The following CTNNA3 variants were observed in gnomAD, a reference collection of about 807,000 sequenced individuals.
CTNNA3 encodes catenin alpha-3.
Under a neutral mutation model 95.7 loss-of-function variants are expected in CTNNA3, and 76 were observed. The ratio of observed to expected loss-of-function variants is 0.79; its 90% CI spans 0.66 to 0.96. The LOEUF is 0.96. CTNNA3 is among the 40% of genes least tolerant of loss of function. The pLI, the probability that CTNNA3 is intolerant of heterozygous loss-of-function variation, is 0.00. For synonymous variants in CTNNA3, 431 were observed against 374.4 expected, an observed-to-expected ratio of 1.15 and a Z score of -1.74; for missense variants, 1,191 against 1,089.8, an observed-to-expected ratio of 1.09 and a Z score of -1.31.
At chr10:66,709,773 T>C (rs941415339) in intron 9 of CTNNA3, among the ~76,000 whole-genome samples, 1 of 152,040 alleles carries the variant, frequency 6.6e-6, no homozygotes, top group Non-Finnish European at 1.5e-5. Context: ...CTTGGGCTTG[T>C]AAAACATGAA....
At chr10:66,979,616 T>TCAACTCCCA (rs2132872367) in intron 7 of CTNNA3, among the ~76,000 whole-genome samples, 1 of 152,224 alleles carries the variant, frequency 6.6e-6, no homozygotes, top group African/African-American at 2.4e-5. Flanking sequence ...AATTGCCACA[T>TCAACTCCCA]CAGTAAAATG....
At chr10:67,089,980 T>C (rs1398776517) in intron 7 of CTNNA3, among the ~76,000 whole-genome samples, 2 of 152,102 alleles carry the variant, frequency 1.3e-5, no homozygotes, top group African/African-American at 4.8e-5. Context: ...TAGTCTCATA[T>C]GAAACAAAAT....
In CTNNA3 at chr10:66,375,674, G is replaced by A. The variant is rs116768535; in HGVS notation, c.1732+3478C>T. Among the ~76,000 whole-genome samples the A allele has an allele frequency of 6.0e-3, 918 of 151,880 alleles. 10 individuals are homozygous for A. Among genetic ancestry groups the A allele is most frequent in the South Asian group, 0.015 (70 of 4,802 alleles). ...TATTAAATGAAAGGGAATTGAGAGG[G>A]GTTACCAACTGCTATTAAAGTTTTT... On this transcript the variant is annotated intron_variant, in intron 12 of 17. Coordinates refer to ENST00000433211, the MANE Select transcript of CTNNA3 (RefSeq NM_013266.4).
chr10:66,431,484 T>G (rs1002821488), intron 11 of CTNNA3, among the ~76,000 whole-genome samples: 9 of 151,946 alleles, frequency 5.9e-5, no homozygotes, highest in Non-Finnish European at 1.0e-4. Flanking sequence ...TAGCAAAGAC[T>G]TGGAACCAAC....
chr10:67,454,963 T>G (rs1339981552), intron 5 of CTNNA3, among the ~76,000 whole-genome samples: 1 of 152,150 alleles, frequency 6.6e-6, no homozygotes, highest in African/African-American at 2.4e-5. Context: ...AATTTCAAAC[T>G]GATTTAAATT....
intron 17 of CTNNA3, among the ~76,000 whole-genome samples, chr10:65,963,043 C>T (rs898975092): frequency 2.6e-5 from 4 of 152,080 alleles, no homozygotes; most frequent in Admixed American, 2.0e-4. Flanking sequence ...AAAGTCATTC[C>T]TAAATAGGTC....
chr10:66,119,552 C>A (rs1564665726), intron 13 of CTNNA3, among the ~76,000 whole-genome samples: 1 of 152,118 alleles, frequency 6.6e-6, no homozygotes, highest in East Asian at 1.9e-4. Flanking sequence ...CTTTTTGATC[C>A]CTCCTAGGGG....
chr10:67,580,013 A>C (rs1451165461), intron 3 of CTNNA3, among the ~76,000 whole-genome samples: 1 of 151,906 alleles, frequency 6.6e-6, no homozygotes, highest in African/African-American at 2.4e-5. Flanking sequence ...TTGCCTGTTC[A>C]CTCTGATGGT....
At chr10:67,228,358 T>G (rs934289231) in intron 5 of CTNNA3, among the ~76,000 whole-genome samples, 2 of 152,176 alleles carry the variant, frequency 1.3e-5, no homozygotes, top group Admixed American at 1.3e-4. Context: ...CTCACGCCGG[T>G]AATCCCAGCA....
intron 10 of CTNNA3, among the ~76,000 whole-genome samples, chr10:66,544,243 C>A (rs1423470935): frequency 1.3e-5 from 2 of 151,894 alleles, no homozygotes; most frequent in African/African-American, 4.8e-5. Context: ...TTACCCTTTC[C>A]CACCTTATAC....
At chr10:67,492,021 G>C (rs1177485569) in intron 5 of CTNNA3, among the ~76,000 whole-genome samples, 1 of 152,010 alleles carries the variant, frequency 6.6e-6, no homozygotes, top group Non-Finnish European at 1.5e-5. Flanking sequence ...GAAATATATG[G>C]GGTAGAAATA....
intron 1 of CTNNA3, among the ~76,000 whole-genome samples, chr10:67,726,701 A>G (rs7921292): frequency 9.5e-4 from 1 of 1,050 alleles, no homozygotes; most frequent in Non-Finnish European, 1.6e-3. Flanking sequence ...ATTATATATA[A>G]TATATATCAT....
intron 17 of CTNNA3, among the ~76,000 whole-genome samples, chr10:65,937,307 T>G (rs1354634402): frequency 6.6e-6 from 1 of 152,152 alleles, no homozygotes; most frequent in African/African-American, 2.4e-5. Flanking sequence ...TTTCCTGTTT[T>G]ACAAACTTCA....
chr10:66,808,217 C>T (rs898889922), intron 7 of CTNNA3, among the ~76,000 whole-genome samples: 2 of 152,116 alleles, frequency 1.3e-5, no homozygotes, highest in African/African-American at 4.8e-5. Context: ...CCATTTTACT[C>T]AAGCTGCATC....
chr10:66,725,407 G>A (rs1310977094), intron 9 of CTNNA3, among the ~76,000 whole-genome samples: 2 of 151,998 alleles, frequency 1.3e-5, no homozygotes, highest in African/African-American at 2.4e-5. Context: ...TGCTGATGTG[G>A]GGAAGAAAAA....
chr10:67,390,048 T>C (rs532368951), intron 5 of CTNNA3, among the ~76,000 whole-genome samples: 1 of 151,590 alleles, frequency 6.6e-6, no homozygotes, highest in Non-Finnish European at 1.5e-5. Flanking sequence ...AGGCAAGAAA[T>C]AACTAAAATC....
chr10:67,378,422 C>G (rs1251824620), intron 5 of CTNNA3, among the ~76,000 whole-genome samples: 1 of 152,080 alleles, frequency 6.6e-6, no homozygotes, highest in Admixed American at 6.5e-5. Flanking sequence ...GTGTAGAACA[C>G]TATTAACAAA....
intron 9 of CTNNA3, among the ~76,000 whole-genome samples, chr10:66,640,033 AT>A (rs1294968318): frequency 6.6e-6 from 1 of 152,160 alleles, no homozygotes; most frequent in African/African-American, 2.4e-5. Context: ...CAGAAATCTT[AT>A]TATTTCAAAA....
At chr10:67,241,016 A>T (rs1274281117) in intron 5 of CTNNA3, among the ~76,000 whole-genome samples, 1 of 152,232 alleles carries the variant, frequency 6.6e-6, no homozygotes, top group Non-Finnish European at 1.5e-5. Context: ...GAATACACAG[A>T]AAAACAAAAA....
Sources: gnomAD v4.1 joint callset for allele counts (sites outside exome capture counted in the v4.1 genomes callset) on GRCh38, gnomAD v4.1.1 for gene constraint, MANE v1.5 for transcripts, NCBI Gene and HGNC (gene_info 2026-07-23, HGNC 2026-07-21) for gene names.